The following EPHB1 variants were observed in gnomAD, a reference collection of about 807,000 sequenced individuals.
The protein encoded by EPHB1 is EPH receptor B1.
In EPHB1, 30 loss-of-function variants were observed where a neutral mutation model predicts 94.4. That is an observed-to-expected ratio of 0.32 (90% CI 0.24 to 0.43). EPHB1 has a LOEUF of 0.43. Among genes scored for constraint, EPHB1 ranks in the 20% least tolerant of loss-of-function variants. EPHB1 has a pLI of 1.00. For missense variants in EPHB1, 1,055 were observed against 1,308.3 expected (o/e 0.81, Z 2.99); for synonymous variants, 522 against 489.1 (o/e 1.07, Z -0.89).
chr3:135,014,381 G>A (rs1483381079), intron 3 of EPHB1, among the ~76,000 whole-genome samples: 1 of 152,098 alleles, frequency 6.6e-6, no homozygotes, highest in African/African-American at 2.4e-5. Context: ...TTCCAAAAGG[G>A]GGCCTTCCTT....
intron 1 of EPHB1, among the ~76,000 whole-genome samples, chr3:134,924,266 C>A (rs2038745790): frequency 6.6e-6 from 1 of 152,138 alleles, no homozygotes; most frequent in Admixed American, 6.5e-5. Flanking sequence ...AAATTAAAAA[C>A]TTCTGATTTT....
chr3:135,034,530 G>A (rs911156833), intron 3 of EPHB1, among the ~76,000 whole-genome samples: 2 of 152,238 alleles, frequency 1.3e-5, no homozygotes, highest in Non-Finnish European at 2.9e-5. Flanking sequence ...CTGTCTGCCT[G>A]GGGGAGGATT....
intron 3 of EPHB1, among the ~76,000 whole-genome samples, chr3:135,039,881 G>A (rs1041338626): frequency 1.3e-5 from 2 of 152,170 alleles, no homozygotes; most frequent in Non-Finnish European, 2.9e-5. Context: ...CAGTGGGGGG[G>A]CTGAAGGGCT....
intron 1 of EPHB1, among the ~76,000 whole-genome samples, chr3:134,902,976 C>T (rs1187349226): frequency 6.6e-6 from 1 of 152,194 alleles, no homozygotes; most frequent in East Asian, 1.9e-4. Flanking sequence ...TGCCATATTC[C>T]ATGCAGATAA....
At chr3:135,247,401 A>G (rs867936099) in intron 13 of EPHB1, among the ~76,000 whole-genome samples, 3 of 152,202 alleles carry the variant, frequency 2.0e-5, no homozygotes, top group African/African-American at 7.2e-5. Flanking sequence ...TAAGGCCTAC[A>G]TTGTATTTTA....
chr3:134,895,171 GCTTT>G (rs2038064103), intron 1 of EPHB1, among the ~76,000 whole-genome samples: 1 of 152,192 alleles, frequency 6.6e-6, no homozygotes, highest in East Asian at 1.9e-4. Flanking sequence ...AGTGCCCTCT[GCTTT>G]TCCCTGCTTC....
chr3:134,810,276 A>AGTGTGTGTGT (rs35841212), intron 1 of EPHB1, among the ~76,000 whole-genome samples: 8,696 of 145,822 alleles, frequency 0.06, 670 homozygotes, highest in African/African-American at 0.17. Context: ...GCACAGGAGG[A>AGTGTGTGTGT]GTGTGTGTGT....
chr3:134,957,360 T>G (rs897717190), intron 3 of EPHB1, among the ~76,000 whole-genome samples: 1 of 152,152 alleles, frequency 6.6e-6, no homozygotes, highest in African/African-American at 2.4e-5. Flanking sequence ...GAAGATATTA[T>G]AGGGTTACTG....
intron 9 of EPHB1, among the ~76,000 whole-genome samples, chr3:135,167,231 A>G (rs1417550390): frequency 6.6e-6 from 1 of 152,216 alleles, no homozygotes; most frequent in African/African-American, 2.4e-5. Context: ...TGGTGGGTAG[A>G]TTATTGTCTG....
chr3:135,146,838 T>A (rs1305667828), intron 5 of EPHB1, among the ~76,000 whole-genome samples: 3 of 152,154 alleles, frequency 2.0e-5, no homozygotes, highest in Admixed American at 6.5e-5. Flanking sequence ...AGTGATTGAT[T>A]TGCATATGTG....
At chr3:135,243,411 A>G (rs1943842438) in intron 13 of EPHB1, among the ~76,000 whole-genome samples, 1 of 152,206 alleles carries the variant, frequency 6.6e-6, no homozygotes, top group Non-Finnish European at 1.5e-5. Context: ...AGGTAAGGGA[A>G]GACTTCCTGG....
intron 3 of EPHB1, among the ~76,000 whole-genome samples, chr3:135,078,293 TG>T (rs1478397983): frequency 6.6e-6 from 1 of 152,086 alleles, no homozygotes; most frequent in African/African-American, 2.4e-5. Flanking sequence ...AAGAGAGGGA[TG>T]GGTCTTCCCA....
In EPHB1 at chr3:134,826,820, T is replaced by G. The variant is rs891303497; in HGVS notation, c.58+31131T>G. The stretch of plus-strand genomic sequence containing the variant: ...TATTTTGTAGGGGGAAAGGCCAGGG[T>G]GGCATAGGTGACTTCTTATTCAGCA... On this transcript the variant is annotated intron_variant, in intron 1 of 15. Coordinates refer to ENST00000398015, the MANE Select transcript of EPHB1 (RefSeq NM_004441.5). Among the ~76,000 whole-genome samples the G allele has an allele frequency of 4.6e-5, 7 of 152,276 alleles. No individual in the cohort carries two copies. In the South Asian group the frequency reaches 6.2e-4, roughly 14 times the overall value.
At chr3:135,209,954 C>A (rs1363841001) in intron 12 of EPHB1, among the ~76,000 whole-genome samples, 1 of 152,014 alleles carries the variant, frequency 6.6e-6, no homozygotes, top group African/African-American at 2.4e-5. Flanking sequence ...CAGCAGATGC[C>A]ACTTACAGGT....
chr3:135,005,719 T>C (rs1323274968), intron 3 of EPHB1, among the ~76,000 whole-genome samples: 2 of 152,206 alleles, frequency 1.3e-5, no homozygotes, highest in Non-Finnish European at 1.5e-5. Flanking sequence ...TGTCCCGATT[T>C]TCCAGGTGCC....
chr3:135,005,926 G>A (rs922214219), intron 3 of EPHB1, among the ~76,000 whole-genome samples: 10 of 152,184 alleles, frequency 6.6e-5, no homozygotes, highest in Admixed American at 2.0e-4. Flanking sequence ...CTTCTGTGTC[G>A]CTCAGGCTGG....
Position 134,959,750 on chromosome 3 carries a change from C to T in EPHB1, c.805+7698C>T, listed in dbSNP as rs183037691. 2.0e-5 allele frequency among the ~76,000 whole-genome samples: 3 copies of T among 152,166 alleles called. No homozygotes were observed. The East Asian group carries it at 5.8e-4, about 30-fold the overall frequency. ...CACCAGGGAAGAAAAGGCTCTGAGGCTTTGTGCTTACAGGAAAGGGCAGAG... is the reference window on the plus strand; with the variant it reads ...CACCAGGGAAGAAAAGGCTCTGAGGTTTTGTGCTTACAGGAAAGGGCAGAG... On this transcript the variant is annotated intron_variant, in intron 3 of 15. Transcript: ENST00000398015.
chr3:134,947,201 A>G (rs1047139889), intron 2 of EPHB1, among the ~76,000 whole-genome samples: 4 of 152,222 alleles, frequency 2.6e-5, no homozygotes, highest in African/African-American at 7.2e-5. Context: ...TGAATGAGGT[A>G]TAAATATAAA....
At position 134,795,651 on chromosome 3, in the gene EPHB1, T is replaced by A. The variant is rs972525865; in HGVS notation, c.20T>A (p.Leu7Gln). The part of the protein sequence containing the change: MALDYL[L>Q]LLLLASAVAA... ...CCGGCGATGGCCCTGGATTATCTAC[T>A]ACTGCTCCTCCTGGCATCCGCAGTG... Residue 7 changes from leucine (L) to glutamine (Q), a missense_variant, in exon 1 of 16, where the codon CTA becomes CAA. Coordinates refer to ENST00000398015, the MANE Select transcript of EPHB1 (RefSeq NM_004441.5). 1 of 1,609,526 alleles carries A rather than the reference T, an allele frequency of 6.2e-7. No homozygotes were observed. Among genetic ancestry groups the A allele is most frequent in the Non-Finnish European group, 8.5e-7 (1 of 1,178,300 alleles).
Sources: allele counts gnomAD v4.1 joint callset (sites outside exome capture counted in the v4.1 genomes callset), GRCh38; gene constraint gnomAD v4.1.1; transcripts MANE v1.5; gene names NCBI Gene and HGNC (gene_info 2026-07-23, HGNC 2026-07-21).